RPS3: variants seen among roughly 807,000 people sequenced by gnomAD.
RPS3 encodes small ribosomal subunit protein uS3.
In RPS3, 2 loss-of-function variants were observed where a neutral mutation model predicts 25.8. That is an observed-to-expected ratio of 0.08 (90% CI 0.03 to 0.24). The LOEUF (loss-of-function observed/expected upper bound fraction) is 0.24. Ranked by LOEUF, RPS3 falls within the 10% of genes least tolerant of loss-of-function variation. The pLI is 1.00. For missense variants in RPS3, 107 were observed against 307.1 expected, an observed-to-expected ratio of 0.35 and a Z score of 4.87; for synonymous variants, 114 against 114.2, an observed-to-expected ratio of 1.00 and a Z score of 0.01.
At position 75,404,660 on chromosome 11, in the gene RPS3, G is replaced by A; in HGVS notation, c.539-12G>A. ...ACCCCAGCTGTGTGCTAACAACTGT[G>A]GTGTCCTCTAGGTGTGCTGGGCATC... On this transcript the variant is annotated splice_polypyrimidine_tract_variant and intron_variant, in intron 5 of 6. Transcript: ENST00000531188. This position sits in a 1 kb window ranked among gnomAD's most constrained non-coding sequence, Gnocchi z 4.6. The A allele has an allele frequency of 1.9e-6, 3 of 1,605,338 alleles. No individual in the cohort carries two copies. The highest frequency in any genetic ancestry group is 2.6e-6 in the Non-Finnish European group (3 of 1,174,076).
chr11:75,413,358 G>C (rs541900475), intron 6 of RPS3, among the ~76,000 whole-genome samples: 5 of 152,022 alleles, frequency 3.3e-5, no homozygotes, highest in Non-Finnish European at 5.9e-5. Context: ...CTGGCTTCAC[G>C]CCATTCTCCT....
downstream of RPS3, among the ~76,000 whole-genome samples, chr11:75,408,658 A>G (rs1439344477): frequency 1.3e-5 from 2 of 151,804 alleles, no homozygotes; most frequent in Non-Finnish European, 2.9e-5. Flanking sequence ...GCTCGCTGCA[A>G]CCTCAGCCTC....
chr11:75,403,730 G>A (rs1278342989), intron 4 of RPS3: 2 of 288,358 alleles, frequency 6.9e-6, no homozygotes, highest in Admixed American at 9.5e-5. Flanking sequence ...TTGGCCTAGA[G>A]TAGGGCCTAG....
chr11:75,421,709 G>A (rs1004345075), intron 6 of RPS3: 2 of 152,166 alleles, frequency 1.3e-5, no homozygotes, highest in African/African-American at 4.8e-5. Flanking sequence ...ATCCATAACT[G>A]TTTTTGTTTT....
At position 75,405,663 on chromosome 11, in the gene RPS3, C is replaced by CCTTTAGAG. The variant is rs1444022160; in HGVS notation, c.*58_*59insGAGCTTTA. On this transcript the variant is annotated 3_prime_UTR_variant, in exon 7 of 7. Transcript: ENST00000531188. Reference sequence around the variant, plus strand: ...GAGTCTGGATGTTGCTCTCTAAAGACCTTTAATAAAATTTTGTACAAAGAC... The same window carrying CCTTTAGAG: ...GAGTCTGGATGTTGCTCTCTAAAGACCTTTAGAGCTTTAATAAAATTTTGTACAAAGAC... 1 of 456,058 alleles carries CCTTTAGAG rather than the reference C, an allele frequency of 2.2e-6. No individual in the cohort carries two copies. The highest frequency in any genetic ancestry group is 4.4e-6 in the Non-Finnish European group (1 of 226,904). 28.3% of individuals were successfully genotyped at this position (456,058 alleles called of 1,614,324 possible).
downstream of RPS3, among the ~76,000 whole-genome samples, chr11:75,410,662 C>G (rs1470292289): frequency 1.3e-5 from 2 of 152,168 alleles, no homozygotes; most frequent in Non-Finnish European, 2.9e-5. Context: ...TGTAGCGAGC[C>G]GAGATCACGC....
downstream of RPS3, chr11:75,422,295 T>C: frequency 9.3e-6 from 3 of 321,242 alleles, no homozygotes; most frequent in Non-Finnish European, 5.7e-6. Context: ...ATTTCTGTTG[T>C]CTATAAATCA....
intron 6 of RPS3, chr11:75,405,193 C>T (rs1342007739): frequency 1.9e-4 from 39 of 201,734 alleles, no homozygotes; most frequent in Non-Finnish European, 1.5e-4. Flanking sequence ...TCTCCTGTCT[C>T]AGCCTCCCGA....
At chr11:75,400,485 G>A (rs1289636925) in intron 1 of RPS3, 1 of 701,308 alleles carries the variant, frequency 1.4e-6, no homozygotes, top group Admixed American at 1.8e-5. Flanking sequence ...AGTTTAAAGA[G>A]CCCTGGTTGA....
chr11:75,409,760 G>A (rs1362124206), downstream of RPS3, among the ~76,000 whole-genome samples: 2 of 151,320 alleles, frequency 1.3e-5, no homozygotes, highest in East Asian at 2.0e-4. Flanking sequence ...CAGTAGGGGC[G>A]GCCGGGCAGA....
chr11:75,407,287 G>A (rs976430574), downstream of RPS3, among the ~76,000 whole-genome samples: 1 of 151,888 alleles, frequency 6.6e-6, no homozygotes, highest in African/African-American at 2.4e-5. Flanking sequence ...ACAGGCACCC[G>A]CCACCATGCC....
At chr11:75,408,680 C>T (rs537603369), downstream of RPS3, among the ~76,000 whole-genome samples, 19 of 152,026 alleles carry the variant, frequency 1.2e-4, no homozygotes, top group South Asian at 4.2e-4. Context: ...TGAGTAGCTG[C>T]GATTACAGAA....
At chr11:75,403,956 T>C in intron 4 of RPS3, 64 bp from the exon 5 acceptor site, 2 of 1,488,274 alleles carry the variant, frequency 1.3e-6, no homozygotes, top group Non-Finnish European at 1.8e-6. Flanking sequence ...GTCTTTGTTT[T>C]GTTTTTTAAA....
intron 1 of RPS3, 154 bp downstream of exon 1, chr11:75,399,731 A>G: frequency 1.5e-6 from 1 of 659,740 alleles, no homozygotes; most frequent in Admixed American, 3.0e-5. Flanking sequence ...CGGTGGATTG[A>G]GTGAGAGGCC....
intron 3 of RPS3, chr11:75,402,108 T>C (rs369268647): frequency 1.9e-4 from 111 of 575,190 alleles, no homozygotes; most frequent in Non-Finnish European, 2.4e-4. Context: ...GTCCGATCTT[T>C]TGGCCTCCGT....
rs200117141 is a variant in RPS3, at chr11:75,404,626, G to C, written c.539-46G>C. ...CTCTCTTTGGTCTTGTGTGATGGGGGCCTTTGAGACCCCAGCTGTGTGCTA... is the reference window on the plus strand; with the variant it reads ...CTCTCTTTGGTCTTGTGTGATGGGGCCCTTTGAGACCCCAGCTGTGTGCTA... On this transcript the variant is annotated intron_variant, in intron 5 of 6. Coordinates refer to ENST00000531188, the MANE Select transcript of RPS3 (RefSeq NM_001005.5). The surrounding 1 kb of genome is among the most constrained non-coding windows in gnomAD (Gnocchi z 4.6). 6.6e-5 allele frequency: 104 copies of C among 1,566,104 alleles called. No individual in the cohort carries two copies. The highest frequency in any genetic ancestry group is 8.6e-5 in the Non-Finnish European group (98 of 1,140,114).
At chr11:75,410,135 T>A (rs1444634745), downstream of RPS3, among the ~76,000 whole-genome samples, 1 of 134,110 alleles carries the variant, frequency 7.5e-6, no homozygotes, top group African/African-American at 3.2e-5. Context: ...CACACCTCCC[T>A]CCCGGACGGG....
intron 4 of RPS3, chr11:75,403,818 T>A: frequency 1.8e-6 from 1 of 542,878 alleles, no homozygotes; most frequent in South Asian, 2.6e-5. Context: ...AAAGTACATA[T>A]TTAGGAGCTT....
chr11:75,416,432 T>C (rs957786221), intron 6 of RPS3, among the ~76,000 whole-genome samples: 3 of 148,978 alleles, frequency 2.0e-5, no homozygotes, highest in Non-Finnish European at 4.5e-5. Context: ...TACTGTGCCT[T>C]GTTCCATTTT....
Sources: gnomAD v4.1 joint callset for allele counts (sites outside exome capture counted in the v4.1 genomes callset) on GRCh38, gnomAD v4.1.1 for gene constraint, Gnocchi (gnomAD v3.1) non-coding constraint, MANE v1.5 for transcripts, NCBI Gene and HGNC (gene_info 2026-07-23, HGNC 2026-07-21) for gene names.